PCDHAC1: variants seen among roughly 807,000 people sequenced by gnomAD.
PCDHAC1 encodes protocadherin alpha subfamily C, 1.
Under a neutral mutation model 60.0 loss-of-function variants are expected in PCDHAC1, and 42 were observed. The ratio of observed to expected loss-of-function variants is 0.70; its 90% CI spans 0.55 to 0.90. PCDHAC1 has a LOEUF of 0.90. Among genes scored for constraint, PCDHAC1 ranks in the 40% least tolerant of loss-of-function variants. PCDHAC1 has a pLI of 0.00. For missense variants in PCDHAC1, 1,160 were observed against 1,222.3 expected, an observed-to-expected ratio of 0.95 and a Z score of 0.76; for synonymous variants, 468 against 499.3, an observed-to-expected ratio of 0.94 and a Z score of 0.84.
At chr5:140,952,921 A>G (rs1385762046) in intron 1 of PCDHAC1, among the ~76,000 whole-genome samples, 4 of 152,138 alleles carry the variant, frequency 2.6e-5, no homozygotes, top group African/African-American at 4.8e-5. Context: ...ACATGGCATG[A>G]GCAGGAGCAG....
chr5:141,006,105 G>T (rs2098255059), intron 3 of PCDHAC1, among the ~76,000 whole-genome samples: 1 of 143,364 alleles, frequency 7.0e-6, no homozygotes. Context: ...ATGGTAAGGA[G>T]TTTTTTTTTT....
intron 1 of PCDHAC1, among the ~76,000 whole-genome samples, chr5:140,941,026 C>T (rs1330663914): frequency 6.6e-6 from 1 of 152,066 alleles, no homozygotes; most frequent in Admixed American, 6.5e-5. Flanking sequence ...TTCCTTCTGG[C>T]CTTTTTGGTG....
chr5:140,953,002 T>C (rs1019745922), intron 1 of PCDHAC1, among the ~76,000 whole-genome samples: 5 of 152,142 alleles, frequency 3.3e-5, no homozygotes, highest in African/African-American at 1.2e-4. Flanking sequence ...ACTCTCTCAC[T>C]ATTATGAGAA....
At chr5:141,009,528 G>A in intron 3 of PCDHAC1, 99 bp from the exon 4 acceptor site, 4 of 1,508,216 alleles carry the variant, frequency 2.7e-6, no homozygotes, top group Non-Finnish European at 3.5e-6. Flanking sequence ...TTCTGGGGAG[G>A]TTCAGCCTGC....
Position 140,968,523 on chromosome 5 carries a change from A to T in PCDHAC1, c.2434-10426A>T, listed in dbSNP as rs1441549667. ...CACATTCTGTACCCTACCTCAACCA[A>T]CTCGTCAGCAGCCTTCGAGATGGTG... On this transcript the variant is annotated intron_variant, in intron 1 of 3. Coordinates refer to ENST00000253807, the MANE Select transcript of PCDHAC1 (RefSeq NM_018898.5). The T allele has an allele frequency of 1.3e-5, 21 of 1,613,762 alleles. No individual in the cohort carries two copies. Among genetic ancestry groups the T allele is most frequent in the Non-Finnish European group, 1.8e-5 (21 of 1,179,980 alleles).
At chr5:140,982,337 A>T in intron 2 of PCDHAC1, 138 bp from the exon 3 acceptor site, 1 of 1,455,066 alleles carries the variant, frequency 6.9e-7, no homozygotes, top group Non-Finnish European at 9.1e-7. Flanking sequence ...CTCAGCAGTA[A>T]TTGCTTCAGT....
intron 1 of PCDHAC1, among the ~76,000 whole-genome samples, chr5:140,946,325 A>G (rs2093929113): frequency 6.6e-6 from 1 of 151,932 alleles, no homozygotes; most frequent in Non-Finnish European, 1.5e-5. Context: ...TGAAAGAGGA[A>G]AGATAACAAG....
intron 3 of PCDHAC1, among the ~76,000 whole-genome samples, chr5:140,995,684 A>T (rs2097694657): frequency 6.6e-6 from 1 of 152,144 alleles, no homozygotes; most frequent in Non-Finnish European, 1.5e-5. Flanking sequence ...ATTTTTTTTA[A>T]TTGTTAAATA....
intron 1 of PCDHAC1, among the ~76,000 whole-genome samples, chr5:140,951,339 G>A (rs246043): frequency 0.56 from 85,609 of 151,878 alleles, 24,748 homozygotes; most frequent in African/African-American, 0.69. Context: ...TTCTGTTTGT[G>A]TTAGTCCATT....
chr5:140,959,370 T>C (rs1212787453), intron 1 of PCDHAC1, among the ~76,000 whole-genome samples: 1 of 151,796 alleles, frequency 6.6e-6, no homozygotes, highest in African/African-American at 2.4e-5. Flanking sequence ...TGAGACCCTG[T>C]CTCAAAAAAA....
intron 2 of PCDHAC1, among the ~76,000 whole-genome samples, chr5:140,981,156 T>C (rs747008016): frequency 2.9e-4 from 44 of 152,360 alleles, no homozygotes; most frequent in Admixed American, 6.5e-4. Context: ...ATTGAACTTA[T>C]ATGTTGCCTT....
At chr5:140,947,171 A>G (rs2094098405) in intron 1 of PCDHAC1, among the ~76,000 whole-genome samples, 2 of 151,546 alleles carry the variant, frequency 1.3e-5, no homozygotes, top group Non-Finnish European at 3.0e-5. Context: ...AAAATGTGGT[A>G]TATATTCATG....
At chr5:140,941,214 C>CTTCCTTTCTTTCTTTCTTTCTTT (rs1554214039) in intron 1 of PCDHAC1, among the ~76,000 whole-genome samples, 1 of 122,414 alleles carries the variant, frequency 8.2e-6, no homozygotes. Flanking sequence ...TTTCTTTCTT[C>CTTCCTTTCTTTCTTTCTTTCTTT]CTTTCTTTCT....
At chr5:140,987,334 C>A (rs925665306) in intron 3 of PCDHAC1, among the ~76,000 whole-genome samples, 1 of 152,086 alleles carries the variant, frequency 6.6e-6, no homozygotes, top group East Asian at 1.9e-4. Flanking sequence ...AAGAACTGGT[C>A]TAAGGTAAAT....
intron 1 of PCDHAC1, among the ~76,000 whole-genome samples, chr5:140,935,292 G>A (rs782760921): frequency 3.0e-4 from 46 of 152,068 alleles, no homozygotes; most frequent in Non-Finnish European, 3.8e-4. Context: ...TCAGCACTCC[G>A]AGGTTTTTAC....
intron 1 of PCDHAC1, among the ~76,000 whole-genome samples, chr5:140,966,049 A>AC (rs2095962296): frequency 6.6e-6 from 1 of 152,102 alleles, no homozygotes; most frequent in African/African-American, 2.4e-5. Context: ...ATCGCCAGTA[A>AC]CCCCAGAGCG....
At chr5:141,007,933 A>T (rs1168610845) in intron 3 of PCDHAC1, among the ~76,000 whole-genome samples, 1 of 152,212 alleles carries the variant, frequency 6.6e-6, no homozygotes, top group African/African-American at 2.4e-5. Context: ...TGGAATTCTA[A>T]GCCACCTTTT....
At chr5:140,978,904 A>G (rs2096828000) in intron 1 of PCDHAC1, 45 bp from the exon 2 acceptor site, 2 of 1,613,322 alleles carry the variant, frequency 1.2e-6, no homozygotes, top group Non-Finnish European at 8.5e-7. Flanking sequence ...CTGGGAGAAC[A>G]TTGTCTTGTC....
rs2098417470 is a variant in PCDHAC1, at chr5:141,010,504, A to G, written c.*567A>G. On this transcript the variant is annotated 3_prime_UTR_variant, in exon 4 of 4. Coordinates refer to ENST00000253807, the MANE Select transcript of PCDHAC1 (RefSeq NM_018898.5). ...AACTTAAAGGGACCAGACTTTCTAA[A>G]TCTTACAACTCAAGAGGTGGCAGCC... 3.6e-6 allele frequency: 2 copies of G among 549,616 alleles called. No homozygotes were observed. The allele number at this position is 549,616 out of a possible 1,614,324, so 34.0% of individuals were successfully genotyped here.
Sources: allele counts gnomAD v4.1 joint callset (sites outside exome capture counted in the v4.1 genomes callset), GRCh38; gene constraint gnomAD v4.1.1; transcripts MANE v1.5; gene names NCBI Gene and HGNC (gene_info 2026-07-23, HGNC 2026-07-21).